SYTL4: variants seen among roughly 807,000 people sequenced by gnomAD.
SYTL4 encodes synaptotagmin-like protein 4.
In SYTL4, 16 loss-of-function variants were observed where a neutral mutation model predicts 52.7. The ratio of observed to expected loss-of-function variants is 0.30; its 90% CI spans 0.21 to 0.46. The LOEUF (loss-of-function observed/expected upper bound fraction) is 0.46. Among genes scored for constraint, SYTL4 ranks in the 20% least tolerant of loss-of-function variants. The pLI is 1.00. For missense variants in SYTL4, 423 were observed against 519.9 expected (o/e 0.81, Z 1.81); for synonymous variants, 160 against 186.6 (o/e 0.86, Z 1.16).
chrX:100,676,924 G>A (rs1437571031), intron 19 of SYTL4, among the ~76,000 whole-genome samples: 3 of 112,044 alleles, frequency 2.7e-5, no homozygotes, highest in Non-Finnish European at 3.8e-5. Context: ...TGCCTACTGT[G>A]TGCCAGGTAC....
chrX:100,683,796 T>C (rs1352969620), intron 16 of SYTL4, among the ~76,000 whole-genome samples: 1 of 112,224 alleles, frequency 8.9e-6, no homozygotes, highest in Non-Finnish European at 1.9e-5. Flanking sequence ...CTCTTAAAAA[T>C]TGGAGTTTAG....
intron 2 of SYTL4, among the ~76,000 whole-genome samples, chrX:100,708,970 C>T (rs12859363): frequency 8.9e-6 from 1 of 111,822 alleles, no homozygotes; most frequent in Admixed American, 9.5e-5. Flanking sequence ...ATCTACCAGA[C>T]GTAACCTCTT....
rs2147856126 is a variant in SYTL4, at chrX:100,730,220, G to A, written c.-240+1198C>T. On this transcript the variant is annotated intron_variant, in intron 2 of 19. Coordinates refer to ENST00000372989, the MANE Select transcript of SYTL4 (RefSeq NM_001370165.1). ...TTACACTCAGGGATGTGTACTTATAGTGGTAACGTGGCAACTGGCCCATGT... is the reference window on the plus strand; with the variant it reads ...TTACACTCAGGGATGTGTACTTATAATGGTAACGTGGCAACTGGCCCATGT... Among the ~76,000 whole-genome samples the A allele has an allele frequency of 1.8e-5, 2 of 111,714 alleles. 1 individual carries two copies. Among genetic ancestry groups the A allele is most frequent in the South Asian group, 7.7e-4 (2 of 2,582 alleles).
At chrX:100,727,626 A>G (rs763035071) in intron 2 of SYTL4, among the ~76,000 whole-genome samples, 16 of 112,548 alleles carry the variant, frequency 1.4e-4, no homozygotes, top group Middle Eastern at 4.6e-3. Flanking sequence ...ATCCTTGAGC[A>G]TTATGCAAGA....
chrX:100,728,667 C>T (rs770942626), intron 2 of SYTL4, among the ~76,000 whole-genome samples: 29 of 111,976 alleles, frequency 2.6e-4, no homozygotes, highest in Middle Eastern at 4.6e-3. Context: ...GTCCCCCTTC[C>T]TACCAACAAG....
chrX:100,709,907 A>T lies in SYTL4; in HGVS notation c.-239-5021T>A, dbSNP rs1458360539. ...TCAGGCTATTGTTATTGTTCTTTAA[A>T]TTTTTTTATTTCAATAGCTTTTGGG... On this transcript the variant is annotated intron_variant, in intron 2 of 19. Transcript: ENST00000372989. Among the ~76,000 whole-genome samples the T allele has an allele frequency of 6.3e-5, 7 of 111,646 alleles. No homozygotes were observed. The Admixed American group carries it at 6.7e-4, about 11-fold the overall frequency.
At chrX:100,684,145 A>G (rs1319060209) in intron 16 of SYTL4, among the ~76,000 whole-genome samples, 2 of 112,030 alleles carry the variant, frequency 1.8e-5, no homozygotes, top group East Asian at 5.5e-4. Context: ...TTGAACATTT[A>G]TCATTTTTTT....
rs377673318 is a variant in SYTL4, at chrX:100,730,004, C to T, written c.-240+1414G>A. ...TCCATCCCATGACAAAACTAGCACACGATCACCCTCAGGCTCTCTGGTATG... is the reference window on the plus strand; with the variant it reads ...TCCATCCCATGACAAAACTAGCACATGATCACCCTCAGGCTCTCTGGTATG... On this transcript the variant is annotated intron_variant, in intron 2 of 19. Transcript: ENST00000372989. Among the ~76,000 whole-genome samples the T allele has an allele frequency of 3.2e-4, 36 of 111,186 alleles. No individual in the cohort carries two copies. The East Asian group carries it at 4.0e-3, about 12-fold the overall frequency.
intron 14 of SYTL4, 90 bp from the exon 15 acceptor site, chrX:100,686,871 G>A (rs2083483309): frequency 1.2e-6 from 1 of 854,687 alleles, no homozygotes; most frequent in Non-Finnish European, 1.7e-6. Context: ...ATGCCATGGT[G>A]ACATGTGATG....
chrX:100,721,985 A>G (rs959080049), intron 2 of SYTL4, among the ~76,000 whole-genome samples: 2 of 109,292 alleles, frequency 1.8e-5, no homozygotes, highest in Non-Finnish European at 3.8e-5. Flanking sequence ...TATTTTTAGT[A>G]GAGATGGGGT....
chrX:100,675,921 T>C lies in SYTL4; in HGVS notation c.*107A>G, dbSNP rs201385766. 5.5e-3 allele frequency: 1,926 copies of C among 349,482 alleles called. 2 individuals carry two copies. The highest frequency in any genetic ancestry group is 6.3e-3 in the Non-Finnish European group (1,439 of 228,529). The allele number at this position is 349,482 out of a possible 1,213,427, so 28.8% of individuals were successfully genotyped here. A position where few individuals can be genotyped will look rare whatever the true frequency, so the allele number is the denominator to read the frequency against. On this transcript the variant is annotated 3_prime_UTR_variant, in exon 20 of 20. Coordinates refer to ENST00000372989, the MANE Select transcript of SYTL4 (RefSeq NM_001370165.1). ...ACACACACACACACACACACACACA[T>C]ACACACATACACACATACACATTAA...
At chrX:100,678,756 C>T in intron 18 of SYTL4, 157 bp from the exon 19 acceptor site, 1 of 461,406 alleles carries the variant, frequency 2.2e-6, no homozygotes, top group Non-Finnish European at 3.8e-6. Flanking sequence ...AGCAGAGTTC[C>T]CACTACCTCT....
intron 16 of SYTL4, chrX:100,684,755 G>A (rs752641056): frequency 9.6e-6 from 1 of 104,675 alleles, no homozygotes; most frequent in African/African-American, 3.5e-5. Flanking sequence ...GGAGTGCAAA[G>A]GCGCAATCTC....
intron 2 of SYTL4, among the ~76,000 whole-genome samples, chrX:100,722,356 T>C (rs2084359657): frequency 9.0e-6 from 1 of 111,455 alleles, no homozygotes; most frequent in Admixed American, 9.6e-5. Context: ...TGCTCTCCTG[T>C]TCTCCACAAT....
intron 16 of SYTL4, among the ~76,000 whole-genome samples, chrX:100,681,716 C>T (rs975619063): frequency 3.6e-5 from 4 of 111,750 alleles, no homozygotes; most frequent in Admixed American, 9.5e-5. Context: ...AAAGTGGAAA[C>T]GACCTAAATG....
intron 2 of SYTL4, among the ~76,000 whole-genome samples, chrX:100,716,450 CAAAAAAAAAA>C (rs200368843): frequency 4.7e-4 from 12 of 25,769 alleles, no homozygotes; most frequent in East Asian, 1.6e-3. Flanking sequence ...AACTCCATCT[CAAAAAAAAAA>C]AAAAAAAAAA....
chrX:100,676,339 C>T (rs2083277654), intron 19 of SYTL4, among the ~76,000 whole-genome samples, 163 bp from the exon 20 acceptor site: 1 of 111,602 alleles, frequency 9.0e-6, no homozygotes, highest in Admixed American at 9.5e-5. Context: ...ATTCCTGAGA[C>T]TCTGTCAAGA....
At position 100,731,412 on chromosome X, in the gene SYTL4, C is replaced by T. The variant is rs1054372052; in HGVS notation, c.-240+6G>A. On this transcript the variant is annotated splice_donor_region_variant and intron_variant, in intron 2 of 19. Coordinates refer to ENST00000372989, the MANE Select transcript of SYTL4 (RefSeq NM_001370165.1). Reference sequence around the variant, plus strand: ...GGACTCCAGCCAACCAGCCTCCAGCCTTTACCTGTGGCTGACTGGCCAACG... The same window carrying T: ...GGACTCCAGCCAACCAGCCTCCAGCTTTTACCTGTGGCTGACTGGCCAACG... 8.8e-6 allele frequency: 1 copy of T among 113,134 alleles called. No homozygotes were observed. The highest frequency in any genetic ancestry group is 3.7e-4 in the South Asian group (1 of 2,705). 9.3% of individuals were successfully genotyped at this position (113,134 alleles called of 1,213,427 possible). A position where few individuals can be genotyped will look rare whatever the true frequency, so the allele number is the denominator to read the frequency against.
rs376955908 is a variant in SYTL4, at chrX:100,686,155, T to C, written c.1288-4A>G. The C allele has an allele frequency of 4.7e-4, 558 of 1,198,196 alleles. No homozygotes were observed. Among genetic ancestry groups the C allele is most frequent in the Non-Finnish European group, 6.1e-4 (543 of 889,808 alleles). On this transcript the variant is annotated splice_polypyrimidine_tract_variant and splice_region_variant and intron_variant, in intron 15 of 19. Transcript: ENST00000372989. Reference sequence around the variant, plus strand: ...GGAGAGATTCTGGGATCTCATACTGTGAAGGGAAAGTAAAAGCCCAAGATG... The same window carrying C: ...GGAGAGATTCTGGGATCTCATACTGCGAAGGGAAAGTAAAAGCCCAAGATG...
Sources: gnomAD v4.1 joint callset for allele counts (sites outside exome capture counted in the v4.1 genomes callset) on GRCh38, gnomAD v4.1.1 for gene constraint, MANE v1.5 for transcripts, NCBI Gene and HGNC (gene_info 2026-07-23, HGNC 2026-07-21) for gene names.